The following SSH1 variants were observed in gnomAD, a reference collection of about 807,000 sequenced individuals.
SSH1 encodes protein phosphatase Slingshot homolog 1.
SSH1 carries 43 observed loss-of-function variants against 79.7 expected under a neutral mutation model. The observed-to-expected ratio is 0.54, with a 90% CI of 0.42 to 0.70. SSH1 has a LOEUF of 0.70. SSH1 is among the 30% of genes least tolerant of loss of function. The pLI is 0.00. For synonymous variants in SSH1, 599 were observed against 538.3 expected, an observed-to-expected ratio of 1.11 and a Z score of -1.56; for missense variants, 1,206 against 1,358.8, an observed-to-expected ratio of 0.89 and a Z score of 1.77.
At chr12:108,820,391 C>CACAACG (rs2038071663) in intron 3 of SSH1, among the ~76,000 whole-genome samples, 1 of 152,184 alleles carries the variant, frequency 6.6e-6, no homozygotes, top group Non-Finnish European at 1.5e-5. Flanking sequence ...ACCAATGCAA[C>CACAACG]ACAACGACAA....
At chr12:108,810,274 C>A (rs2037512885) in intron 6 of SSH1, among the ~76,000 whole-genome samples, 1 of 151,862 alleles carries the variant, frequency 6.6e-6, no homozygotes, top group Admixed American at 6.6e-5. Context: ...GTAATCCCAG[C>A]ACTTTGGGAG....
chr12:108,822,391 C>T (rs1019766651), intron 3 of SSH1, among the ~76,000 whole-genome samples: 4 of 152,102 alleles, frequency 2.6e-5, no homozygotes, highest in African/African-American at 9.7e-5. Flanking sequence ...CCACCTTGGC[C>T]TCCCAAATCC....
rs1474884139 is a variant in SSH1 at position 108,801,064 on chromosome 12, T to C, written c.1002-138A>G. The C allele has an allele frequency of 2.4e-5, 20 of 816,564 alleles. No homozygotes were observed. The Admixed American group carries it at 2.8e-4, about 11-fold the overall frequency. The allele number at this position is 816,564 out of a possible 1,614,324, so 50.6% of individuals were successfully genotyped here. A position where few individuals can be genotyped will look rare whatever the true frequency, so the allele number is the denominator to read the frequency against. On this transcript the variant is annotated intron_variant, in intron 11 of 14. Coordinates refer to ENST00000326495, the MANE Select transcript of SSH1 (RefSeq NM_018984.4). ...ATATGTTCGTGGCGGGACTTTGGTT[T>C]TTCCTTAATAGCTATGTTTTTTGGT...
rs1294917197 is a variant in SSH1 at position 108,787,326 on chromosome 12, T to C, written c.*662A>G. 3 of 153,026 alleles carry C rather than the reference T, an allele frequency of 2.0e-5. No individual in the cohort carries two copies. Among genetic ancestry groups the C allele is most frequent in the Non-Finnish European group, 2.9e-5 (2 of 68,696 alleles). 9.5% of individuals were successfully genotyped at this position (153,026 alleles called of 1,614,324 possible). On this transcript the variant is annotated 3_prime_UTR_variant, in exon 15 of 15. Transcript: ENST00000326495. ...CCAGGACAGGGCGCCTGCACCACCA[T>C]TCGGGCACAGAGTCAGCTCAACAAC...
chr12:108,827,540 T>G, intron 2 of SSH1: 1 of 1,281,036 alleles, frequency 7.8e-7, no homozygotes, highest in Non-Finnish European at 9.9e-7. Context: ...CTCTGATATT[T>G]TGGCTGAAAA....
At chr12:108,850,952 A>G (rs2039025739) in intron 2 of SSH1, among the ~76,000 whole-genome samples, 1 of 151,878 alleles carries the variant, frequency 6.6e-6, no homozygotes, top group Non-Finnish European at 1.5e-5. Flanking sequence ...CTCGACAGTC[A>G]GTCTCCAGAC....
At position 108,792,566 on chromosome 12, in the gene SSH1, T is replaced by C; in HGVS notation, c.1613A>G (p.Glu538Gly). The change falls in exon 14 of 15, where the codon GAG (glutamate) becomes GGG (glycine). Residue 538 changes from glutamate (E) to glycine (G), a missense_variant. Glu to Gly is a moderately conservative substitution (Grantham distance 98). Around this residue, in one of 5 missense-constraint regions of SSH1, gnomAD observed 709 missense variants for 730.6 expected, o/e 0.97. Coordinates refer to ENST00000326495, the MANE Select transcript of SSH1 (RefSeq NM_018984.4). ...SLVHLEDPEREALLEEAAPPA... is the reference protein window; with the variant it reads ...SLVHLEDPERGALLEEAAPPA... ...TGGAGCAGCTTCCTCCAACAGAGCC[T>C]CCCTCTCCGGATCCTCCAGGTGGAC... is the stretch of plus-strand genomic sequence containing the variant. 6.2e-7 allele frequency: 1 copy of C among 1,613,820 alleles called. No homozygotes were observed. The highest frequency in any genetic ancestry group is 8.5e-7 in the Non-Finnish European group (1 of 1,179,874).
At chr12:108,847,919 A>G (rs1322990973) in intron 2 of SSH1, among the ~76,000 whole-genome samples, 1 of 152,200 alleles carries the variant, frequency 6.6e-6, no homozygotes, top group Non-Finnish European at 1.5e-5. Flanking sequence ...CTTTCTCTGA[A>G]GAGAGGGAAA....
chr12:108,844,879 C>T (rs907007665), intron 2 of SSH1, among the ~76,000 whole-genome samples: 1 of 152,130 alleles, frequency 6.6e-6, no homozygotes, highest in Non-Finnish European at 1.5e-5. Flanking sequence ...GAGGCTGAGG[C>T]GGGTGGATCA....
chr12:108,840,387 G>T lies in SSH1; in HGVS notation c.110+12251C>A, dbSNP rs181269786. ...TCTCTACTAAAAATACAAAAAATTCGCCAGGCATGGTGGTACAAGCCTATA... is the reference window on the plus strand; with the variant it reads ...TCTCTACTAAAAATACAAAAAATTCTCCAGGCATGGTGGTACAAGCCTATA... On this transcript the variant is annotated intron_variant, in intron 2 of 14. Transcript: ENST00000326495. Among the ~76,000 whole-genome samples, 3 of 152,074 alleles carry T rather than the reference G, an allele frequency of 2.0e-5. No individual in the cohort carries two copies. In the East Asian group the frequency reaches 5.8e-4, roughly 29 times the overall value.
In SSH1 at chr12:108,786,489, C is replaced by G. The variant is rs2036277904; in HGVS notation, c.*1499G>C. On this transcript the variant is annotated 3_prime_UTR_variant, in exon 15 of 15. Transcript: ENST00000326495. ...GGCAAATCAAACCAGGGGTCAGCAA[C>G]TTTTTCTACAAAGGGCCTGACAGTA... 1 of 152,252 alleles carries G rather than the reference C, an allele frequency of 6.6e-6. No homozygotes were observed. The highest frequency in any genetic ancestry group is 1.5e-5 in the Non-Finnish European group (1 of 68,048). The allele number at this position is 152,252 out of a possible 1,614,324, so 9.4% of individuals were successfully genotyped here. A position where few individuals can be genotyped will look rare whatever the true frequency, so the allele number is the denominator to read the frequency against.
At chr12:108,855,493 G>A (rs955026164) in intron 1 of SSH1, among the ~76,000 whole-genome samples, 1 of 152,168 alleles carries the variant, frequency 6.6e-6, no homozygotes. Context: ...CAAATTTATG[G>A]TATGTAACTA....
chr12:108,856,831 C>T (rs1044650035), intron 1 of SSH1, among the ~76,000 whole-genome samples: 1 of 152,230 alleles, frequency 6.6e-6, no homozygotes, highest in African/African-American at 2.4e-5. Context: ...TCAGAACCAG[C>T]GGCTCACGCA....
intron 12 of SSH1, among the ~76,000 whole-genome samples, 180 bp downstream of exon 12, chr12:108,800,600 C>T (rs760698427): frequency 6.7e-6 from 1 of 150,048 alleles, no homozygotes; most frequent in Non-Finnish European, 1.5e-5. Context: ...AGTCCTGCGA[C>T]TAAAAGCAAA....
At chr12:108,802,007 G>A (rs1163444999) in intron 11 of SSH1, among the ~76,000 whole-genome samples, 1 of 152,206 alleles carries the variant, frequency 6.6e-6, no homozygotes, top group Non-Finnish European at 1.5e-5. Flanking sequence ...GCAGGGAAGC[G>A]GGGTGGGGGT....
chr12:108,846,919 G>C (rs1186447597), intron 2 of SSH1, among the ~76,000 whole-genome samples: 1 of 150,924 alleles, frequency 6.6e-6, no homozygotes, highest in Non-Finnish European at 1.5e-5. Flanking sequence ...TTTTTTTTGA[G>C]ACAGGGTCTT....
intron 9 of SSH1, among the ~76,000 whole-genome samples, chr12:108,805,860 A>T (rs2037244094): frequency 6.6e-6 from 1 of 152,216 alleles, no homozygotes; most frequent in Non-Finnish European, 1.5e-5. Context: ...GGTAGAGAGA[A>T]ATTATTCTAG....
intron 9 of SSH1, among the ~76,000 whole-genome samples, chr12:108,805,914 A>G (rs1028693093): frequency 1.8e-4 from 28 of 152,174 alleles, no homozygotes; most frequent in African/African-American, 6.8e-4. Context: ...TGGAGAAATA[A>G]GTCTGCTGTC....
chr12:108,798,980 C>T lies in SSH1; in HGVS notation c.1349+20G>A. 1 of 1,610,366 alleles carries T rather than the reference C, an allele frequency of 6.2e-7. No individual in the cohort carries two copies. The highest frequency in any genetic ancestry group is 8.5e-7 in the Non-Finnish European group (1 of 1,179,802). ...GCTCCAGCTCCGCCTGCCAACCCTT[C>T]TCTCCAGGCAGGCACCCACCTTGCA... On this transcript the variant is annotated intron_variant, in intron 13 of 14. Coordinates refer to ENST00000326495, the MANE Select transcript of SSH1 (RefSeq NM_018984.4).
Sources: gnomAD v4.1 joint callset for allele counts (sites outside exome capture counted in the v4.1 genomes callset) on GRCh38, gnomAD v4.1.1 for gene constraint, gnomAD v4.1.1 regional missense constraint, MANE v1.5 for transcripts, NCBI Gene and HGNC (gene_info 2026-07-23, HGNC 2026-07-21) for gene names.